The following CNNM1 variants were observed in gnomAD, a reference collection of about 807,000 sequenced individuals.
The protein encoded by CNNM1 is cyclin and CBS domain divalent metal cation transport mediator 1.
Under a neutral mutation model 78.8 loss-of-function variants are expected in CNNM1, and 44 were observed. The observed-to-expected ratio is 0.56, with a 90% CI of 0.44 to 0.72. CNNM1 has a LOEUF of 0.72. Ranked by LOEUF, CNNM1 falls within the 30% of genes least tolerant of loss-of-function variation. The probability of loss-of-function intolerance (pLI) is 0.00; values close to 1 mark genes in which losing one functional copy is unlikely to be tolerated. For missense variants in CNNM1, 1,101 were observed against 1,292.2 expected, an observed-to-expected ratio of 0.85 and a Z score of 2.27; for synonymous variants, 584 against 581.5, an observed-to-expected ratio of 1.00 and a Z score of -0.06.
chr10:99,358,453 TAG>T (rs1468122206), intron 2 of CNNM1, among the ~76,000 whole-genome samples: 1 of 152,242 alleles, frequency 6.6e-6, no homozygotes, highest in Non-Finnish European at 1.5e-5. Flanking sequence ...TCTCATGGAA[TAG>T]CCATCCTTTT....
chr10:99,346,186 G>A (rs1030595557), intron 1 of CNNM1, among the ~76,000 whole-genome samples: 1 of 152,066 alleles, frequency 6.6e-6, no homozygotes, highest in Non-Finnish European at 1.5e-5. Flanking sequence ...GCAGTATTTC[G>A]GGGATCGTTA....
At chr10:99,352,065 T>A (rs547436127) in intron 1 of CNNM1, among the ~76,000 whole-genome samples, 5 of 152,306 alleles carry the variant, frequency 3.3e-5, no homozygotes, top group African/African-American at 1.2e-4. Context: ...CAGGCATCCC[T>A]ACTAATCTAA....
chr10:99,377,052 C>T lies in CNNM1; in HGVS notation c.2177-3C>T. On this transcript the variant is annotated splice_region_variant and splice_polypyrimidine_tract_variant and intron_variant, in intron 6 of 10. Transcript: ENST00000356713. ...TCTTTTCTCCATCTCTCACCATCTGCAGTAAACCGGTCCCCTTCTCGCTGC... is the reference window on the plus strand; with the variant it reads ...TCTTTTCTCCATCTCTCACCATCTGTAGTAAACCGGTCCCCTTCTCGCTGC... 1.3e-6 allele frequency: 2 copies of T among 1,553,746 alleles called. No individual in the cohort carries two copies. Among genetic ancestry groups the T allele is most frequent in the Non-Finnish European group, 1.7e-6 (2 of 1,148,462 alleles).
At chr10:99,347,519 C>CA (rs1201252527) in intron 1 of CNNM1, among the ~76,000 whole-genome samples, 1 of 147,786 alleles carries the variant, frequency 6.8e-6, no homozygotes, top group Non-Finnish European at 1.5e-5. Flanking sequence ...GATTCTGTCT[C>CA]AAAAAACAAA....
intron 1 of CNNM1, among the ~76,000 whole-genome samples, chr10:99,345,900 G>T (rs1375551862): frequency 6.6e-6 from 1 of 151,930 alleles, no homozygotes; most frequent in Non-Finnish European, 1.5e-5. Context: ...TTACCATGTT[G>T]CCCAGGGTGG....
chr10:99,338,939 G>A (rs979819213), intron 1 of CNNM1, among the ~76,000 whole-genome samples: 14 of 152,266 alleles, frequency 9.2e-5, no homozygotes, highest in African/African-American at 2.6e-4. Flanking sequence ...AAATGGAGCC[G>A]TAGAGATTTA....
rs138199963 is a variant in CNNM1 at position 99,381,153 on chromosome 10, G to C, written c.2340+3935G>C. Among the ~76,000 whole-genome samples the C allele has an allele frequency of 3.2e-4, 49 of 152,282 alleles. 1 individual carries two copies. Among genetic ancestry groups the C allele is most frequent in the African/African-American group, 1.1e-3 (47 of 41,566 alleles). On this transcript the variant is annotated intron_variant, in intron 7 of 10. Transcript: ENST00000356713. The stretch of plus-strand genomic sequence containing the variant: ...CAACCAGGTGCAGCAGCTCACGCCT[G>C]TAATCCCAGCACTTTGGGAGGCTGA...
intron 1 of CNNM1, among the ~76,000 whole-genome samples, chr10:99,338,030 G>A (rs909347154): frequency 1.3e-5 from 2 of 152,144 alleles, no homozygotes; most frequent in African/African-American, 4.8e-5. Context: ...AGAGTTAGGG[G>A]TATGAGATAA....
chr10:99,341,440 G>A (rs1008353454), intron 1 of CNNM1, among the ~76,000 whole-genome samples: 13 of 152,150 alleles, frequency 8.5e-5, no homozygotes, highest in African/African-American at 2.4e-4. Flanking sequence ...CTCCAGGAAC[G>A]AGAAAGAAGG....
intron 1 of CNNM1, among the ~76,000 whole-genome samples, chr10:99,339,000 C>T (rs2030322595): frequency 6.6e-6 from 1 of 152,190 alleles, no homozygotes. Flanking sequence ...TTAGGAGACA[C>T]TGAGTTCTGT....
intron 2 of CNNM1, among the ~76,000 whole-genome samples, chr10:99,359,665 G>C (rs567282936): frequency 7.2e-5 from 11 of 152,258 alleles, no homozygotes; most frequent in South Asian, 2.1e-4. Flanking sequence ...AAAGGAGAGG[G>C]GGCACACCAG....
intron 1 of CNNM1, among the ~76,000 whole-genome samples, chr10:99,351,386 C>T (rs2030940631): frequency 6.6e-6 from 1 of 152,132 alleles, no homozygotes; most frequent in East Asian, 1.9e-4. Flanking sequence ...GCCACTTTAC[C>T]ACATATGCCA....
intron 6 of CNNM1, among the ~76,000 whole-genome samples, chr10:99,371,802 T>A (rs2031812929): frequency 1.3e-5 from 2 of 152,130 alleles, no homozygotes; most frequent in African/African-American, 4.8e-5. Context: ...TGCCCCAGTA[T>A]AATGAATTTT....
chr10:99,360,919 T>C lies in CNNM1; in HGVS notation c.1802T>C (p.Met601Thr). Reference sequence around the variant, plus strand: ...TTGTTTAAGCTTTCGGACACGGAGATGCGGGTGAAGATCTCACCACAGCTT... The same window carrying C: ...TTGTTTAAGCTTTCGGACACGGAGACGCGGGTGAAGATCTCACCACAGCTT... Reference protein sequence around the residue: ...FSLFKLSDTEMRVKISPQLLL... With the variant: ...FSLFKLSDTETRVKISPQLLL... The change falls in exon 3 of 11, where the codon ATG becomes ACG. Residue 601 changes from methionine to threonine, a missense_variant. By Grantham distance (81) the Met-to-Thr change is moderately conservative. Transcript: ENST00000356713. 2.5e-6 allele frequency: 4 copies of C among 1,613,142 alleles called. No individual in the cohort carries two copies. Among genetic ancestry groups the C allele is most frequent in the Non-Finnish European group, 2.5e-6 (3 of 1,179,184 alleles).
chr10:99,368,123 T>C (rs370769567), intron 6 of CNNM1, among the ~76,000 whole-genome samples: 25 of 152,310 alleles, frequency 1.6e-4, no homozygotes, highest in African/African-American at 4.8e-4. Flanking sequence ...AGGGATCTCC[T>C]AGGAGTCTGA....
At chr10:99,377,402 G>T in intron 7 of CNNM1, 184 bp downstream of exon 7, 1 of 486,648 alleles carries the variant, frequency 2.1e-6, no homozygotes, top group Non-Finnish European at 3.6e-6. Flanking sequence ...CTTTAGGACG[G>T]TTCATTATTT....
rs747089138 is a variant in CNNM1 at position 99,357,623 on chromosome 10, A to T, written c.1685A>T (p.Lys562Met). Residue 562 changes from lysine to methionine, a missense_variant, in exon 2 of 11, where the codon AAG (lysine) becomes ATG (methionine). Physicochemically the swap from Lys to Met is moderately conservative, Grantham distance 95. Transcript: ENST00000356713. Reference sequence around the variant, plus strand: ...GAGGATATCATAGAGGAGATTATCAAGTCGGAGATCCTGGATGAAACTGAT... The same window carrying T: ...GAGGATATCATAGAGGAGATTATCATGTCGGAGATCCTGGATGAAACTGAT... ...TLEDIIEEII[K>M]SEILDETDLY... The T allele has an allele frequency of 1.2e-6, 2 of 1,613,186 alleles. No individual in the cohort carries two copies. Among genetic ancestry groups the T allele is most frequent in the South Asian group, 2.2e-5 (2 of 90,870 alleles).
chr10:99,390,212 A>G, intron 9 of CNNM1, 94 bp from the exon 10 acceptor site: 1 of 892,002 alleles, frequency 1.1e-6, no homozygotes, highest in Non-Finnish European at 1.8e-6. Flanking sequence ...CTTAAACTTC[A>G]CTTGCTGAGG....
chr10:99,339,855 A>G (rs74154504), intron 1 of CNNM1, among the ~76,000 whole-genome samples: 5 of 152,392 alleles, frequency 3.3e-5, no homozygotes, highest in African/African-American at 1.2e-4. Context: ...CTATTTTTGC[A>G]GGAAGAATAA....
Sources: gnomAD v4.1 joint callset for allele counts (sites outside exome capture counted in the v4.1 genomes callset) on GRCh38, gnomAD v4.1.1 for gene constraint, MANE v1.5 for transcripts, NCBI Gene and HGNC (gene_info 2026-07-23, HGNC 2026-07-21) for gene names.